The following TOP2B variants were observed in gnomAD, a reference collection of about 807,000 sequenced individuals.
The protein encoded by TOP2B is DNA topoisomerase II beta.
In TOP2B, 51 loss-of-function variants were observed where a neutral mutation model predicts 193.5. The observed-to-expected ratio is 0.26, with a 90% confidence interval of 0.21 to 0.33. The LOEUF is 0.33. TOP2B is among the 10% of genes least tolerant of loss of function. The pLI is 1.00. For synonymous variants in TOP2B, 634 were observed against 635.7 expected (o/e 1.00, Z 0.04); for missense variants, 1,378 against 1,909.3 (o/e 0.72, Z 5.19).
At chr3:25,609,138 T>C (rs1295573510) in intron 30 of TOP2B, 45 bp downstream of exon 30, 3 of 1,483,576 alleles carry the variant, frequency 2.0e-6, no homozygotes, top group Non-Finnish European at 2.7e-6. Flanking sequence ...TACCAACGTA[T>C]AGGTTAAACT....
intron 7 of TOP2B, 118 bp from the exon 8 acceptor site, chr3:25,634,132 G>A (rs1339121084): frequency 1.4e-5 from 10 of 722,056 alleles, no homozygotes; most frequent in South Asian, 2.1e-5. Flanking sequence ...TAAGTGCACC[G>A]ATCCAAACCT....
At chr3:25,657,524 C>A (rs1371299192) in intron 1 of TOP2B, among the ~76,000 whole-genome samples, 1 of 152,142 alleles carries the variant, frequency 6.6e-6, no homozygotes, top group South Asian at 2.1e-4. Context: ...CTTGAACAAC[C>A]ACAAACTAGC....
In TOP2B at chr3:25,602,418, A is replaced by AAG. The variant is rs1559490132; in HGVS notation, c.4490-1194_4490-1193insCT. Among the ~76,000 whole-genome samples the AAG allele has an allele frequency of 6.4e-4, 67 of 105,032 alleles. 1 individual carries two copies. Among genetic ancestry groups the AAG allele is most frequent in the African/African-American group, 8.3e-4 (19 of 22,954 alleles). The allele number at this position is 105,032 out of a possible 152,430, so 68.9% of individuals were successfully genotyped here. A position where few individuals can be genotyped will look rare whatever the true frequency, so the allele number is the denominator to read the frequency against. ...TCTCAAAAAAAAAAAAAGAAAAAGAAAAAAAAAAAACTGATAAATCACTTT... is the reference window on the plus strand; with the variant it reads ...TCTCAAAAAAAAAAAAAGAAAAAGAAAGAAAAAAAAAACTGATAAATCACTTT... On this transcript the variant is annotated intron_variant, in intron 33 of 35. Transcript: ENST00000264331.
intron 6 of TOP2B, among the ~76,000 whole-genome samples, chr3:25,636,486 G>A (rs953180295): frequency 2.6e-5 from 4 of 152,138 alleles, no homozygotes; most frequent in Admixed American, 1.3e-4. Flanking sequence ...AAGTACATGG[G>A]AGGATGTGTA....
At chr3:25,611,979 G>A (rs1165545475) in intron 28 of TOP2B, among the ~76,000 whole-genome samples, 1 of 151,252 alleles carries the variant, frequency 6.6e-6, no homozygotes, top group Non-Finnish European at 1.5e-5. Context: ...TCTCACTCTT[G>A]TCAACCAGGC....
chr3:25,624,909 T>C (rs1702752279), intron 18 of TOP2B, 106 bp from the exon 19 acceptor site: 4 of 1,101,444 alleles, frequency 3.6e-6, no homozygotes, highest in Middle Eastern at 2.4e-4. Context: ...ACCAGTAAAA[T>C]TGTTACTTGA....
intron 12 of TOP2B, 23 bp downstream of exon 12, chr3:25,630,289 T>A (rs748023923): frequency 1.3e-6 from 2 of 1,547,604 alleles, no homozygotes; most frequent in Non-Finnish European, 1.7e-6. Context: ...TGTATACACA[T>A]ATATATACAC....
At chr3:25,607,122 A>C (rs765653490) in intron 31 of TOP2B, 49 bp downstream of exon 31, 1 of 1,588,332 alleles carries the variant, frequency 6.3e-7, no homozygotes, top group Non-Finnish European at 8.6e-7. Context: ...ATCTTTGGCA[A>C]ATGTTTACAA....
Position 25,638,183 on chromosome 3 carries a change from C to A in TOP2B, c.523G>T (p.Asp175Tyr). Residue 175 changes from aspartate (D) to tyrosine (Y), a missense_variant, in exon 5 of 36, where the codon GAT (aspartate) becomes TAT (tyrosine). Transcript: ENST00000264331. ...ACTTTACCTGTAACTTTTTTCTCAT[C>A]ATCATCATAGTTACTGGATGTTAAA... ...QLLTSSNYDD[D>Y]EKKVTGGRNG... is the part of the protein sequence containing the mutation. The A allele has an allele frequency of 6.4e-7, 1 of 1,568,526 alleles. No individual in the cohort carries two copies. Among genetic ancestry groups the A allele is most frequent in the Admixed American group, 1.9e-5 (1 of 53,352 alleles).
At chr3:25,629,780 C>G (rs1248456880) in intron 13 of TOP2B, among the ~76,000 whole-genome samples, 3 of 152,074 alleles carry the variant, frequency 2.0e-5, no homozygotes, top group Non-Finnish European at 4.4e-5. Context: ...TAATTTTGTT[C>G]CTACTTGTAG....
At position 25,632,776 on chromosome 3, in the gene TOP2B, A is replaced by G. The variant is rs1223099460; in HGVS notation, c.1045T>C (p.Tyr349His). ...ATTKGGRHVD[Y>H]VVDQVVGKLI... ...TTACCAACAACTTGATCTACCACAT[A>G]ATCCACGTGCCGTCCACCCTAAAGA... The change falls in exon 9 of 36, where the codon TAT becomes CAT. Residue 349 changes from tyrosine to histidine, a missense_variant. Around this residue, in one of 9 missense-constraint regions of TOP2B, gnomAD observed 222 missense variants for 306.6 expected, o/e 0.72. Transcript: ENST00000264331. The G allele has an allele frequency of 1.2e-6, 2 of 1,613,066 alleles. No homozygotes were observed. The highest frequency in any genetic ancestry group is 1.3e-5 in the African/African-American group (1 of 74,858).
intron 25 of TOP2B, 88 bp from the exon 26 acceptor site, chr3:25,615,674 C>G: frequency 8.8e-7 from 1 of 1,137,928 alleles, no homozygotes. Context: ...TAAAATTCTA[C>G]AAGTGCTACA....
chr3:25,618,887 C>T (rs1228952699), intron 23 of TOP2B, 38 bp from the exon 24 acceptor site: 1 of 1,455,288 alleles, frequency 6.9e-7, no homozygotes, highest in South Asian at 1.3e-5. Flanking sequence ...TCATATAGAT[C>T]TGTACTGGTA....
intron 7 of TOP2B, among the ~76,000 whole-genome samples, chr3:25,635,424 A>C (rs1195793636): frequency 1.3e-5 from 2 of 152,214 alleles, no homozygotes; most frequent in Non-Finnish European, 2.9e-5. Flanking sequence ...GTATCAGATA[A>C]AGTATTTTAA....
intron 9 of TOP2B, 26 bp downstream of exon 9, chr3:25,632,667 T>C (rs975639791): frequency 1.9e-6 from 3 of 1,607,062 alleles, no homozygotes; most frequent in South Asian, 2.2e-5. Context: ...GTATGCATCA[T>C]GTACAATATA....
chr3:25,623,372 A>G (rs576066919), intron 21 of TOP2B, 143 bp downstream of exon 21: 5 of 705,516 alleles, frequency 7.1e-6, no homozygotes, highest in Non-Finnish European at 1.2e-5. Context: ...CTGTAGGCAC[A>G]TATCAAATTA....
intron 1 of TOP2B, among the ~76,000 whole-genome samples, chr3:25,647,115 G>A (rs1163152929): frequency 2.0e-5 from 3 of 152,042 alleles, no homozygotes; most frequent in East Asian, 1.9e-4. Context: ...TGAACTAGCC[G>A]GCCAGAAAGA....
chr3:25,648,278 C>A (rs577146856), intron 1 of TOP2B, among the ~76,000 whole-genome samples: 13 of 152,152 alleles, frequency 8.5e-5, no homozygotes, highest in Non-Finnish European at 1.0e-4. Context: ...TACTACAGCA[C>A]GAGACGCCAC....
intron 25 of TOP2B, 145 bp from the exon 26 acceptor site, chr3:25,615,731 T>C: frequency 3.1e-6 from 2 of 653,540 alleles, no homozygotes; most frequent in Admixed American, 4.0e-5. Flanking sequence ...TTGGATTACC[T>C]ATAAAAATAT....
Sources: allele counts gnomAD v4.1 joint callset (sites outside exome capture counted in the v4.1 genomes callset), GRCh38; gene constraint gnomAD v4.1.1; regional missense constraint gnomAD v4.1.1; transcripts MANE v1.5; gene names NCBI Gene and HGNC (gene_info 2026-07-23, HGNC 2026-07-21).